PTPRD: variants seen among roughly 807,000 people sequenced by gnomAD.
PTPRD encodes receptor-type tyrosine-protein phosphatase delta.
A neutral mutation model predicts 214.5 loss-of-function variants in PTPRD; 34 were observed. The observed-to-expected ratio is 0.16, with a 90% CI of 0.12 to 0.21. The LOEUF (loss-of-function observed/expected upper bound fraction) is 0.21. Ranked by LOEUF, PTPRD falls within the 10% of genes least tolerant of loss-of-function variation. The pLI, the probability that PTPRD is intolerant of heterozygous loss-of-function variation, is 1.00. For synonymous variants in PTPRD, 1,128 were observed against 845.7 expected (o/e 1.33, Z -5.79); for missense variants, 2,545 against 2,398.7 (o/e 1.06, Z -1.27).
intron 11 of PTPRD, among the ~76,000 whole-genome samples, chr9:8,988,806 T>C (rs1379422108): frequency 1.3e-5 from 2 of 152,086 alleles, no homozygotes; most frequent in Non-Finnish European, 2.9e-5. Context: ...TTAATGTGCT[T>C]TTCTCTTGAA....
chr9:10,317,922 A>C (rs2096474342), intron 3 of PTPRD, among the ~76,000 whole-genome samples: 1 of 151,996 alleles, frequency 6.6e-6, no homozygotes, highest in Non-Finnish European at 1.5e-5. Context: ...TCACTTCTCT[A>C]ATTTTCACAA....
intron 7 of PTPRD, among the ~76,000 whole-genome samples, chr9:9,611,425 GTAAT>G (rs1375710983): frequency 6.6e-6 from 1 of 151,802 alleles, no homozygotes; most frequent in Non-Finnish European, 1.5e-5. Flanking sequence ...GTTTTGATTC[GTAAT>G]TATTTAATTA....
At chr9:8,878,525 T>G (rs1978742) in intron 11 of PTPRD, among the ~76,000 whole-genome samples, 3,989 of 147,770 alleles carry the variant, frequency 0.027, 72 homozygotes, top group South Asian at 0.047. Flanking sequence ...CTTTCTTTTC[T>G]TTTTTTTTTG....
chr9:10,269,745 C>G (rs2094312803), intron 3 of PTPRD, among the ~76,000 whole-genome samples: 1 of 151,762 alleles, frequency 6.6e-6, no homozygotes, highest in Non-Finnish European at 1.5e-5. Context: ...ATAAAATGTT[C>G]TCATAATTTG....
At chr9:9,693,760 G>A (rs1168074569) in intron 7 of PTPRD, among the ~76,000 whole-genome samples, 1 of 152,076 alleles carries the variant, frequency 6.6e-6, no homozygotes, top group African/African-American at 2.4e-5. Context: ...TCTAGATCTT[G>A]TAGATGTGCT....
At chr9:9,426,004 T>C (rs1183068060) in intron 8 of PTPRD, among the ~76,000 whole-genome samples, 1 of 152,054 alleles carries the variant, frequency 6.6e-6, no homozygotes, top group Non-Finnish European at 1.5e-5. Context: ...GGGTGATTTC[T>C]GCATTTCCAA....
chr9:9,516,340 A>T (rs182238330), intron 8 of PTPRD, among the ~76,000 whole-genome samples: 4 of 152,010 alleles, frequency 2.6e-5, no homozygotes, highest in African/African-American at 9.7e-5. Context: ...AAAATTATCC[A>T]TAACTCTAAA....
chr9:8,378,300 C>T (rs1417419895), intron 37 of PTPRD, among the ~76,000 whole-genome samples: 1 of 151,928 alleles, frequency 6.6e-6, no homozygotes, highest in Non-Finnish European at 1.5e-5. Context: ...GTAGAGTGAC[C>T]AGGCATGGGC....
intron 2 of PTPRD, among the ~76,000 whole-genome samples, chr9:10,519,906 T>C (rs1227423653): frequency 5.9e-5 from 9 of 152,062 alleles, no homozygotes; most frequent in Non-Finnish European, 1.3e-4. Context: ...AATTTCCCTC[T>C]CCTCAGGCTC....
intron 9 of PTPRD, among the ~76,000 whole-genome samples, chr9:9,301,402 C>A (rs1955233825): frequency 6.6e-6 from 1 of 151,812 alleles, no homozygotes; most frequent in Non-Finnish European, 1.5e-5. Flanking sequence ...TCTATTCTAA[C>A]AACGACCATC....
chr9:8,861,507 G>C (rs186980235), intron 11 of PTPRD: 3 of 151,936 alleles, frequency 2.0e-5, no homozygotes, highest in Admixed American at 1.3e-4. Flanking sequence ...GCACTGCCTC[G>C]TTTCCAATCT....
At chr9:10,464,486 GGAAGAT>G (rs148091582) in intron 2 of PTPRD, among the ~76,000 whole-genome samples, 53,627 of 150,330 alleles carry the variant, frequency 0.36, 11,305 homozygotes, top group Non-Finnish European at 0.49. Context: ...GAGAAAGACA[GGAAGAT>G]GAAGATGAAG....
rs71317396 is a variant in PTPRD at position 9,030,276 on chromosome 9, C to CTTTTTTTTTT, written c.-142-11551_-142-11542dup. On this transcript the variant is annotated intron_variant, in intron 10 of 45. Coordinates refer to ENST00000381196, the MANE Select transcript of PTPRD (RefSeq NM_002839.4). ...TTGGATCACATGGGCCACACTTGGG[C>CTTTTTTTTTT]TTTTTTTTTTTTTTTTTTTTTTTTT... is the stretch of plus-strand genomic sequence containing the variant. Among the ~76,000 whole-genome samples the CTTTTTTTTTT allele has an allele frequency of 1.1e-3, 40 of 37,928 alleles. 1 individual carries two copies. Among genetic ancestry groups the CTTTTTTTTTT allele is most frequent in the African/African-American group, 3.8e-3 (35 of 9,206 alleles). The allele number at this position is 37,928 out of a possible 152,430, so 24.9% of individuals were successfully genotyped here.
intron 2 of PTPRD, among the ~76,000 whole-genome samples, chr9:10,490,574 A>T (rs191610996): frequency 3.9e-5 from 6 of 152,104 alleles, no homozygotes; most frequent in Admixed American, 1.3e-4. Context: ...TCTTAAGTTT[A>T]TTTGTCATTA....
At chr9:9,112,855 A>G (rs751039760) in intron 10 of PTPRD, among the ~76,000 whole-genome samples, 3 of 152,138 alleles carry the variant, frequency 2.0e-5, no homozygotes, top group Non-Finnish European at 4.4e-5. Context: ...CTCTTGAATT[A>G]CTTTAGCAGG....
At chr9:9,235,359 C>T (rs1378039040) in intron 9 of PTPRD, among the ~76,000 whole-genome samples, 1 of 152,084 alleles carries the variant, frequency 6.6e-6, no homozygotes, top group Non-Finnish European at 1.5e-5. Flanking sequence ...TATCAGAGGC[C>T]AAGAAGAGTT....
intron 10 of PTPRD, among the ~76,000 whole-genome samples, chr9:9,174,665 A>G (rs1441435656): frequency 6.6e-6 from 1 of 152,180 alleles, no homozygotes; most frequent in African/African-American, 2.4e-5. Flanking sequence ...GAGATTTCAT[A>G]ATCTTATTTA....
intron 5 of PTPRD, among the ~76,000 whole-genome samples, chr9:9,787,336 G>T (rs139521695): frequency 0.015 from 2,239 of 150,062 alleles, 28 homozygotes; most frequent in Non-Finnish European, 0.024. Context: ...CCAGGTAAAG[G>T]TCCAATTGGT....
chr9:9,034,269 C>G (rs1457901843), intron 10 of PTPRD, among the ~76,000 whole-genome samples: 1 of 152,122 alleles, frequency 6.6e-6, no homozygotes, highest in Non-Finnish European at 1.5e-5. Flanking sequence ...TACAGCGTAT[C>G]TGTCTCCAGG....
Sources: gnomAD v4.1 joint callset for allele counts (sites outside exome capture counted in the v4.1 genomes callset) on GRCh38, gnomAD v4.1.1 for gene constraint, MANE v1.5 for transcripts, NCBI Gene and HGNC (gene_info 2026-07-23, HGNC 2026-07-21) for gene names.